TNR: variants seen among roughly 807,000 people sequenced by gnomAD.
TNR encodes tenascin-R.
Under a neutral mutation model 150.4 loss-of-function variants are expected in TNR, and 45 were observed. That is an observed-to-expected ratio of 0.30 (90% CI 0.24 to 0.38). The LOEUF is 0.38. TNR is among the 10% of genes least tolerant of loss of function. The pLI, the probability that TNR is intolerant of heterozygous loss-of-function variation, is 1.00. For synonymous variants in TNR, 687 were observed against 678.4 expected (o/e 1.01, Z -0.20); for missense variants, 1,544 against 1,759.1 (o/e 0.88, Z 2.19).
chr1:175,329,009 G>C (rs1649568931), intron 21 of TNR, among the ~76,000 whole-genome samples: 1 of 152,136 alleles, frequency 6.6e-6, no homozygotes, highest in South Asian at 2.1e-4. Context: ...TGGCAAATTG[G>C]GCCTTTTGTT....
chr1:175,343,801 A>T (rs1650641466), intron 18 of TNR, among the ~76,000 whole-genome samples: 1 of 152,220 alleles, frequency 6.6e-6, no homozygotes, highest in Non-Finnish European at 1.5e-5. Context: ...AACATTTGGG[A>T]CAACACAATT....
intron 1 of TNR, among the ~76,000 whole-genome samples, chr1:175,653,956 T>C (rs1411845595): frequency 6.6e-6 from 1 of 152,230 alleles, no homozygotes; most frequent in Admixed American, 6.5e-5. Context: ...CCATTTATAA[T>C]AAAAGTAATT....
chr1:175,651,007 A>G (rs1054373140), intron 1 of TNR, among the ~76,000 whole-genome samples: 1 of 5,168 alleles, frequency 1.9e-4, no homozygotes, highest in African/African-American at 1.3e-3. Context: ...ACCCCTCCCC[A>G]CCTCATTATT....
chr1:175,668,913 T>C (rs904780109), intron 1 of TNR, among the ~76,000 whole-genome samples: 6 of 152,186 alleles, frequency 3.9e-5, no homozygotes, highest in Admixed American at 6.5e-5. Context: ...CTTGGCCTGG[T>C]GTGCATAGCC....
chr1:175,397,243 C>T (rs1653478377), intron 4 of TNR, among the ~76,000 whole-genome samples: 1 of 152,168 alleles, frequency 6.6e-6, no homozygotes, highest in African/African-American at 2.4e-5. Flanking sequence ...TATGTGTGCT[C>T]TGTCTGGTGA....
intron 1 of TNR, among the ~76,000 whole-genome samples, chr1:175,622,576 G>A (rs983446941): frequency 1.3e-5 from 2 of 152,128 alleles, no homozygotes; most frequent in Non-Finnish European, 2.9e-5. Context: ...CAACTCCTAC[G>A]CATGTTTAAG....
intron 2 of TNR, among the ~76,000 whole-genome samples, chr1:175,489,231 A>C (rs999490126): frequency 6.6e-6 from 1 of 152,172 alleles, no homozygotes; most frequent in African/African-American, 2.4e-5. Context: ...CTTGAATTCT[A>C]GCTCCTTCCC....
At chr1:175,736,435 G>A (rs1343485750) in intron 1 of TNR, among the ~76,000 whole-genome samples, 1 of 152,040 alleles carries the variant, frequency 6.6e-6, no homozygotes, top group Non-Finnish European at 1.5e-5. Flanking sequence ...GCAAGAGAAT[G>A]GCGTGAACCC....
At chr1:175,467,147 C>G (rs1018580390) in intron 2 of TNR, among the ~76,000 whole-genome samples, 1 of 152,066 alleles carries the variant, frequency 6.6e-6, no homozygotes, top group African/African-American at 2.4e-5. Context: ...AGAGAACAGA[C>G]CGGGACTAAT....
At chr1:175,624,119 T>C (rs748961705) in intron 1 of TNR, among the ~76,000 whole-genome samples, 18 of 152,230 alleles carry the variant, frequency 1.2e-4, no homozygotes, top group Admixed American at 9.2e-4. Context: ...CAGAGATTCA[T>C]TCATAGAAAA....
At chr1:175,489,993 C>T (rs1571512839) in intron 2 of TNR, among the ~76,000 whole-genome samples, 1 of 152,062 alleles carries the variant, frequency 6.6e-6, no homozygotes, top group East Asian at 1.9e-4. Context: ...GCTACAGTAA[C>T]CAAAACAGCA....
chr1:175,559,154 G>A (rs770118054), intron 1 of TNR, among the ~76,000 whole-genome samples: 1 of 152,056 alleles, frequency 6.6e-6, no homozygotes, highest in South Asian at 2.1e-4. Context: ...TCTTCTATGG[G>A]GAATGAAGAG....
At chr1:175,555,250 A>C (rs1444796514) in intron 1 of TNR, among the ~76,000 whole-genome samples, 1 of 152,130 alleles carries the variant, frequency 6.6e-6, no homozygotes, top group Non-Finnish European at 1.5e-5. Context: ...AGAGGGGAAA[A>C]ATCTCAGATA....
At chr1:175,585,077 A>G (rs1452785346) in intron 1 of TNR, among the ~76,000 whole-genome samples, 1 of 152,236 alleles carries the variant, frequency 6.6e-6, no homozygotes, top group African/African-American at 2.4e-5. Context: ...ATGTGCAGGC[A>G]CATTCTGAGG....
chr1:175,626,608 G>A (rs368921405), intron 1 of TNR, among the ~76,000 whole-genome samples: 1 of 152,212 alleles, frequency 6.6e-6, no homozygotes, highest in South Asian at 2.1e-4. Context: ...AACTGAGAGA[G>A]AAATTGAAAT....
At chr1:175,564,898 T>A (rs1293033478) in intron 1 of TNR, among the ~76,000 whole-genome samples, 1 of 152,228 alleles carries the variant, frequency 6.6e-6, no homozygotes, top group Non-Finnish European at 1.5e-5. Flanking sequence ...TTCAGCTTTC[T>A]ACCTGCACCC....
At chr1:175,615,611 C>A (rs1487684170) in intron 1 of TNR, among the ~76,000 whole-genome samples, 1 of 150,562 alleles carries the variant, frequency 6.6e-6, no homozygotes, top group Non-Finnish European at 1.5e-5. Flanking sequence ...GAGCTCTAAT[C>A]CTGTTCCTGA....
intron 2 of TNR, among the ~76,000 whole-genome samples, chr1:175,423,315 G>A (rs1321959043): frequency 6.6e-6 from 1 of 152,124 alleles, no homozygotes; most frequent in Non-Finnish European, 1.5e-5. Context: ...GCCTTAGCAG[G>A]GGTGCAAGTG....
chr1:175,546,359 A>G (rs1660687074), intron 1 of TNR, among the ~76,000 whole-genome samples: 1 of 152,182 alleles, frequency 6.6e-6, no homozygotes, highest in South Asian at 2.1e-4. Context: ...CAGCTAAGGA[A>G]AAATAGGCTA....
Sources: allele counts gnomAD v4.1 joint callset (sites outside exome capture counted in the v4.1 genomes callset), GRCh38; gene constraint gnomAD v4.1.1; transcripts MANE v1.5; gene names NCBI Gene and HGNC (gene_info 2026-07-23, HGNC 2026-07-21).